The following STOX2 variants were observed in gnomAD, a reference collection of about 807,000 sequenced individuals.
STOX2 encodes storkhead box 2, also known as storkhead-box protein 2.
Under a neutral mutation model 60.9 loss-of-function variants are expected in STOX2, and 28 were observed. That is an observed-to-expected ratio of 0.46 (90% CI 0.34 to 0.63). The LOEUF is 0.63. STOX2 is among the 30% of genes least tolerant of loss of function. STOX2 has a pLI of 0.01. For missense variants in STOX2, 1,024 were observed against 1,187.7 expected (o/e 0.86, Z 2.03); for synonymous variants, 472 against 463.9 (o/e 1.02, Z -0.22).
At chr4:183,974,353 G>C (rs1732368843) in intron 1 of STOX2, among the ~76,000 whole-genome samples, 1 of 151,956 alleles carries the variant, frequency 6.6e-6, no homozygotes, top group Non-Finnish European at 1.5e-5. Context: ...AAATCATAAA[G>C]GGTAGATTTA....
intron 1 of STOX2, among the ~76,000 whole-genome samples, chr4:183,844,100 C>T (rs1739931720): frequency 3.9e-5 from 6 of 152,044 alleles, no homozygotes; most frequent in Non-Finnish European, 1.5e-5. Flanking sequence ...AATTATTATT[C>T]AATTTGGTGA....
At chr4:183,957,624 C>T (rs79815865) in intron 1 of STOX2, among the ~76,000 whole-genome samples, 8,495 of 152,230 alleles carry the variant, frequency 0.056, 277 homozygotes, top group Non-Finnish European at 0.083. Flanking sequence ...AACTGGTTCC[C>T]GATTTGACCA....
chr4:183,859,834 A>G (rs760526441), intron 1 of STOX2, among the ~76,000 whole-genome samples: 12 of 152,190 alleles, frequency 7.9e-5, no homozygotes, highest in Non-Finnish European at 1.3e-4. Context: ...GACTAGAAAG[A>G]CTTTTGATAT....
Position 184,009,045 on chromosome 4 carries a change from C to T in STOX2, c.320-113C>T. On this transcript the variant is annotated intron_variant, in intron 2 of 3. Coordinates refer to ENST00000308497, the MANE Select transcript of STOX2 (RefSeq NM_020225.3). This position sits in a 1 kb window ranked among gnomAD's most constrained non-coding sequence, Gnocchi z 4.0. Reference sequence around the variant, plus strand: ...GAACACCTTTGTCTGAATTGTGCATCCTAGCTCTGTGATGGTACTTCGCAT... The same window carrying T: ...GAACACCTTTGTCTGAATTGTGCATTCTAGCTCTGTGATGGTACTTCGCAT... 1 of 828,956 alleles carries T rather than the reference C, an allele frequency of 1.2e-6. No homozygotes were observed. The highest frequency in any genetic ancestry group is 1.9e-6 in the Non-Finnish European group (1 of 536,234). The allele number at this position is 828,956 out of a possible 1,614,324, so 51.4% of individuals were successfully genotyped here.
intron 1 of STOX2, among the ~76,000 whole-genome samples, chr4:183,808,075 C>T (rs568638995): frequency 7.2e-5 from 11 of 152,294 alleles, no homozygotes; most frequent in African/African-American, 2.6e-4. Context: ...CCAGTCTGGA[C>T]GAATCACTTT....
intron 1 of STOX2, among the ~76,000 whole-genome samples, chr4:183,932,724 A>G (rs1364075321): frequency 1.4e-4 from 2 of 14,430 alleles, no homozygotes; most frequent in Non-Finnish European, 2.7e-4. Context: ...TGTGAAAAGT[A>G]GCATGGCTGC....
At position 184,017,429 on chromosome 4, in the gene STOX2, CAAA is replaced by C. The variant is rs1560949212; in HGVS notation, c.*150_*152del. The C allele has an allele frequency of 1.4e-6, 1 of 693,494 alleles. No homozygotes were observed. The highest frequency in any genetic ancestry group is 2.3e-6 in the Non-Finnish European group (1 of 434,270). The allele number at this position is 693,494 out of a possible 1,614,324, so 43.0% of individuals were successfully genotyped here. On this transcript the variant is annotated 3_prime_UTR_variant, in exon 4 of 4. Transcript: ENST00000308497. ...ACTGTGCTGCTAAGTAGGGCTAGGG[CAAA>C]AAAACAAAAAATCTTTATTTCAGAG... is the stretch of plus-strand genomic sequence containing the variant.
Position 183,836,722 on chromosome 4 carries a change from G to A in STOX2, c.364+38667G>A, listed in dbSNP as rs1229657367. Among the ~76,000 whole-genome samples, 8 of 152,128 alleles carry A rather than the reference G, an allele frequency of 5.3e-5. No individual in the cohort carries two copies. The highest frequency in any genetic ancestry group is 2.6e-4 in the Admixed American group (4 of 15,274). On this transcript the variant is annotated intron_variant, in intron 1 of 2. Coordinates refer to the STOX2 transcript ENST00000513034. This position sits in a 1 kb window ranked among gnomAD's most constrained non-coding sequence, Gnocchi z 4.1. ...TTCGTGGCAGGGTCAGTGACTTCTC[G>A]TGACAGCCTCATGAAGGTGAAAAAG...
At chr4:183,964,618 G>A (rs1477981350) in intron 1 of STOX2, among the ~76,000 whole-genome samples, 1 of 151,508 alleles carries the variant, frequency 6.6e-6, no homozygotes, top group East Asian at 2.0e-4. Context: ...GAGACAGAGT[G>A]TTGCTCCGTC....
intron 1 of STOX2, among the ~76,000 whole-genome samples, chr4:183,888,361 T>C (rs929674657): frequency 3.8e-4 from 58 of 152,200 alleles, no homozygotes; most frequent in Admixed American, 4.6e-4. Flanking sequence ...TCTATTATTT[T>C]CCCCGTTTTA....
rs140300771 is a variant in STOX2 at position 183,979,046 on chromosome 4, A to G, written c.167-22279A>G. Among the ~76,000 whole-genome samples the G allele has an allele frequency of 1.9e-3, 283 of 152,314 alleles. 1 individual carries two copies. Among genetic ancestry groups the G allele is most frequent in the African/African-American group, 6.3e-3 (261 of 41,570 alleles). Reference sequence around the variant, plus strand: ...TCTGTTCTCACATTGCTATAAAGAAATACCTGAGACTGGGTGATTTATAAA... The same window carrying G: ...TCTGTTCTCACATTGCTATAAAGAAGTACCTGAGACTGGGTGATTTATAAA... On this transcript the variant is annotated intron_variant, in intron 1 of 3. Transcript: ENST00000308497.
In STOX2 at chr4:183,967,655, C is replaced by T. The variant is rs116456931; in HGVS notation, c.167-33670C>T. Among the ~76,000 whole-genome samples the T allele has an allele frequency of 4.0e-3, 611 of 152,108 alleles. 3 individuals are homozygous for T. Among genetic ancestry groups the T allele is most frequent in the African/African-American group, 0.014 (568 of 41,494 alleles). The stretch of plus-strand genomic sequence containing the variant: ...TGCTCTACGCTCTAGTTGTTTTGTT[C>T]GGGTTTCCTGCAATCAGACATAGCT... On this transcript the variant is annotated intron_variant, in intron 1 of 3. Coordinates refer to ENST00000308497, the MANE Select transcript of STOX2 (RefSeq NM_020225.3).
intron 1 of STOX2, among the ~76,000 whole-genome samples, chr4:183,891,350 G>T (rs1579379951): frequency 1.1e-5 from 1 of 88,530 alleles, no homozygotes; most frequent in Non-Finnish European, 2.3e-5. Context: ...ATATATATAT[G>T]ATGGAATTTA....
At chr4:183,992,901 T>C (rs1733172058) in intron 1 of STOX2, among the ~76,000 whole-genome samples, 1 of 152,258 alleles carries the variant, frequency 6.6e-6, no homozygotes, top group Non-Finnish European at 1.5e-5. Context: ...ACCCTGGACC[T>C]AGCTGATGGG....
chr4:184,010,828 G>A lies in STOX2; in HGVS notation c.1990G>A (p.Gly664Ser). Residue 664 changes from glycine (G) to serine (S), a missense_variant, in exon 3 of 4, where the codon GGC becomes AGC. Transcript: ENST00000308497. The surrounding 1 kb of genome is among the most constrained non-coding windows in gnomAD (Gnocchi z 4.5). ...GGAGTCACCAAAAGGGCCGGGTGGG[G>A]GCCCCGCTGCTTCGGGAGGAGTGGC... is the stretch of plus-strand genomic sequence containing the variant. ...KEESPKGPGG[G>S]PAASGGVAEG... 1 of 1,591,440 alleles carries A rather than the reference G, an allele frequency of 6.3e-7. No homozygotes were observed. The highest frequency in any genetic ancestry group is 2.2e-5 in the East Asian group (1 of 44,554).
In STOX2 at chr4:184,007,031, A is replaced by AC. The variant is rs1250554242; in HGVS notation, c.320-2127_320-2126insC. Among the ~76,000 whole-genome samples, 263 of 73,726 alleles carry AC rather than the reference A, an allele frequency of 3.6e-3. 9 individuals carry two copies. The highest frequency in any genetic ancestry group is 8.5e-3 in the African/African-American group (209 of 24,486). The allele number at this position is 73,726 out of a possible 152,430, so 48.4% of individuals were successfully genotyped here. A position where few individuals can be genotyped will look rare whatever the true frequency, so the allele number is the denominator to read the frequency against. On this transcript the variant is annotated intron_variant, in intron 2 of 3. Coordinates refer to ENST00000308497, the MANE Select transcript of STOX2 (RefSeq NM_020225.3). ...ACTCTGTCTCAAAAAAAAAAAAAAAAACAAAACAAAAAAAAAATTTTGTTA... is the reference window on the plus strand; with the variant it reads ...ACTCTGTCTCAAAAAAAAAAAAAAAACACAAAACAAAAAAAAAATTTTGTTA...
intron 1 of STOX2, among the ~76,000 whole-genome samples, chr4:183,930,097 C>T (rs903308426): frequency 6.6e-6 from 1 of 151,730 alleles, no homozygotes; most frequent in African/African-American, 2.4e-5. Flanking sequence ...ATCTCCTGAC[C>T]TCGTGATCCA....
At chr4:183,903,401 TA>T (rs1248628898), upstream of STOX2, among the ~76,000 whole-genome samples, 1 of 152,196 alleles carries the variant, frequency 6.6e-6, no homozygotes, top group African/African-American at 2.4e-5. Flanking sequence ...CCTCATGCTG[TA>T]GGTCTCAGCT....
chr4:183,972,769 G>A (rs1474839859), intron 1 of STOX2, among the ~76,000 whole-genome samples: 1 of 152,126 alleles, frequency 6.6e-6, no homozygotes, highest in African/African-American at 2.4e-5. Flanking sequence ...TGAAGAATTA[G>A]GATAATCTCA....
Sources: allele counts gnomAD v4.1 joint callset (sites outside exome capture counted in the v4.1 genomes callset), GRCh38; gene constraint gnomAD v4.1.1; non-coding constraint Gnocchi (gnomAD v3.1); transcripts MANE v1.5; gene names NCBI Gene and HGNC (gene_info 2026-07-23, HGNC 2026-07-21).